Variants in TTL observed in about 807,000 individuals in gnomAD.
TTL encodes the protein tubulin--tyrosine ligase.
In TTL, 10 loss-of-function variants were observed where a neutral mutation model predicts 41.1. The observed-to-expected ratio is 0.24, with a 90% CI of 0.15 to 0.41. The LOEUF (loss-of-function observed/expected upper bound fraction) is 0.41. Ranked by LOEUF, TTL falls within the 10% of genes least tolerant of loss-of-function variation. The pLI is 1.00. For missense variants in TTL, 367 were observed against 460.4 expected, an observed-to-expected ratio of 0.80 and a Z score of 1.86; for synonymous variants, 175 against 175.5, an observed-to-expected ratio of 1.00 and a Z score of 0.02.
chr2:112,495,425 T>C (rs1432934365), intron 3 of TTL, among the ~76,000 whole-genome samples: 1 of 152,168 alleles, frequency 6.6e-6, no homozygotes, highest in African/African-American at 2.4e-5. Flanking sequence ...TCAACAAATA[T>C]ATGTTGAATG....
chr2:112,512,325 T>C (rs1681944580), intron 5 of TTL, among the ~76,000 whole-genome samples: 2 of 151,586 alleles, frequency 1.3e-5, no homozygotes, highest in South Asian at 4.2e-4. Context: ...TGCAGTGGCG[T>C]GATCTCGGCT....
chr2:112,520,373 G>A lies in TTL; in HGVS notation c.967G>A (p.Glu323Lys), dbSNP rs201419092. The stretch of plus-strand genomic sequence containing the variant: ...CTTCGGCTTTGACTTCATGGTCGAT[G>A]AGGAGCTGAAGGTGTGGCTCATTGA... ...QLFGFDFMVD[E>K]ELKVWLIEVN... Residue 323 changes from glutamate to lysine, a missense_variant, in exon 6 of 7, where the codon GAG becomes AAG. By Grantham distance (56) the Glu-to-Lys change is moderately conservative. Coordinates refer to ENST00000233336, the MANE Select transcript of TTL (RefSeq NM_153712.5). The A allele has an allele frequency of 1.9e-6, 3 of 1,614,164 alleles. No homozygotes were observed. Among genetic ancestry groups the A allele is most frequent in the East Asian group, 4.5e-5 (2 of 44,868 alleles).
intron 5 of TTL, among the ~76,000 whole-genome samples, chr2:112,510,430 A>T (rs994196133): frequency 6.6e-6 from 1 of 151,948 alleles, no homozygotes; most frequent in Admixed American, 6.6e-5. Flanking sequence ...TGCCCAGCCT[A>T]TTCCAGTTTT....
At chr2:112,513,690 C>T (rs1332302847) in intron 5 of TTL, among the ~76,000 whole-genome samples, 1 of 149,024 alleles carries the variant, frequency 6.7e-6, no homozygotes, top group Non-Finnish European at 1.5e-5. Flanking sequence ...CAAAAAAATG[C>T]AAAAATACAA....
intron 2 of TTL, among the ~76,000 whole-genome samples, chr2:112,490,633 C>T (rs1479052813): frequency 7.2e-6 from 1 of 138,196 alleles, no homozygotes; most frequent in African/African-American, 2.8e-5. Flanking sequence ...AGTGCAGTGG[C>T]ACCATCTCAG....
intron 4 of TTL, 89 bp from the exon 5 acceptor site, chr2:112,502,823 T>G: frequency 1.4e-6 from 2 of 1,447,494 alleles, no homozygotes; most frequent in East Asian, 4.6e-5. Context: ...ACCTACCCCA[T>G]AAAAGAAGTC....
At chr2:112,511,275 C>T (rs1449788161) in intron 5 of TTL, among the ~76,000 whole-genome samples, 4 of 151,786 alleles carry the variant, frequency 2.6e-5, no homozygotes, top group Non-Finnish European at 4.4e-5. Flanking sequence ...TCTCAAAGTG[C>T]TGGGATTACA....
intron 2 of TTL, 35 bp downstream of exon 2, chr2:112,486,030 C>T (rs1013490989): frequency 2.5e-6 from 4 of 1,601,490 alleles, no homozygotes; most frequent in Non-Finnish European, 3.4e-6. Context: ...CATTTTTTAC[C>T]TAAATGAAGC....
rs1378159603 is a variant in TTL at position 112,538,969 on chromosome 2, T to G, written c.*10174T>G. 2 of 151,690 alleles carry G rather than the reference T, an allele frequency of 1.3e-5. No homozygotes were observed. Among genetic ancestry groups the G allele is most frequent in the Non-Finnish European group, 2.9e-5 (2 of 67,996 alleles). 9.4% of individuals were successfully genotyped at this position (151,690 alleles called of 1,614,324 possible). A position where few individuals can be genotyped will look rare whatever the true frequency, so the allele number is the denominator to read the frequency against. On this transcript the variant is annotated 3_prime_UTR_variant, in exon 7 of 7. Transcript: ENST00000233336. ...CGTCTCCACTAAAAATACAAAAAATTAGCCGGGCGTGGTAGCAGGCGCCTG... is the reference window on the plus strand; with the variant it reads ...CGTCTCCACTAAAAATACAAAAAATGAGCCGGGCGTGGTAGCAGGCGCCTG...
intron 5 of TTL, among the ~76,000 whole-genome samples, chr2:112,514,265 G>A (rs1301715371): frequency 6.6e-6 from 1 of 151,798 alleles, no homozygotes; most frequent in African/African-American, 2.4e-5. Flanking sequence ...ACCTGTGGTC[G>A]CAGCTACTCG....
intron 6 of TTL, chr2:112,522,669 C>T (rs1682271045): frequency 6.6e-6 from 1 of 152,628 alleles, no homozygotes; most frequent in African/African-American, 2.4e-5. Flanking sequence ...GCCAGAATGT[C>T]TCCCGTCTGC....
intron 2 of TTL, among the ~76,000 whole-genome samples, chr2:112,487,383 A>G (rs6708927): frequency 0.12 from 17,529 of 152,242 alleles, 1,191 homozygotes; most frequent in Non-Finnish European, 0.16. Context: ...GTTACATGGA[A>G]TCAGGAATAG....
At chr2:112,498,038 A>G (rs1428380154) in intron 3 of TTL, among the ~76,000 whole-genome samples, 1 of 152,178 alleles carries the variant, frequency 6.6e-6, no homozygotes, top group Non-Finnish European at 1.5e-5. Context: ...ACACAAAACT[A>G]CTTAGCTGGG....
chr2:112,526,180 T>C (rs988103851), intron 6 of TTL, among the ~76,000 whole-genome samples: 33 of 152,220 alleles, frequency 2.2e-4, no homozygotes, highest in South Asian at 1.7e-3. Flanking sequence ...CTGCTGGATT[T>C]AGTTTGCCAG....
rs1359914895 is a variant in TTL, at chr2:112,503,054, T to G, written c.748T>G (p.Ser250Ala). ...LTNHCIQKEYSKNYGKYEEGN... is the reference protein window; with the variant it reads ...LTNHCIQKEYAKNYGKYEEGN... ...CAATCACTGCATTCAAAAAGAGTAT[T>G]CAAAGAACTACGGGAAGTATGAAGA... is the stretch of plus-strand genomic sequence containing the variant. The change falls in exon 5 of 7, where the codon TCA (serine) becomes GCA (alanine). Residue 250 changes from serine (S) to alanine (A), a missense_variant. Ser to Ala is a moderately conservative substitution (Grantham distance 99). Transcript: ENST00000233336. 5 of 1,614,080 alleles carry G rather than the reference T, an allele frequency of 3.1e-6. No homozygotes were observed. The highest frequency in any genetic ancestry group is 4.2e-6 in the Non-Finnish European group (5 of 1,180,008).
chr2:112,521,375 G>T (rs1436418247), intron 6 of TTL: 1 of 985,240 alleles, frequency 1.0e-6, no homozygotes, highest in Non-Finnish European at 1.2e-6. Flanking sequence ...GGCCTTACGT[G>T]TCAGGGAAAG....
At chr2:112,484,590 A>G (rs1681190048) in intron 1 of TTL, among the ~76,000 whole-genome samples, 3 of 152,066 alleles carry the variant, frequency 2.0e-5, no homozygotes, top group Admixed American at 2.0e-4. Flanking sequence ...TGGGAAAGAA[A>G]ACAGCATCCT....
intron 5 of TTL, among the ~76,000 whole-genome samples, chr2:112,511,296 A>G (rs962575488): frequency 6.6e-6 from 1 of 151,850 alleles, no homozygotes; most frequent in Admixed American, 6.6e-5. Context: ...GACATGAGCC[A>G]CTGCACCTGG....
chr2:112,525,890 T>G (rs1380125524), intron 6 of TTL, among the ~76,000 whole-genome samples: 1 of 152,130 alleles, frequency 6.6e-6, no homozygotes, highest in Non-Finnish European at 1.5e-5. Context: ...TGCTTCCAGT[T>G]TTTGCCCATT....
Sources: gnomAD v4.1 joint callset for allele counts (sites outside exome capture counted in the v4.1 genomes callset) on GRCh38, gnomAD v4.1.1 for gene constraint, MANE v1.5 for transcripts, NCBI Gene and HGNC (gene_info 2026-07-23, HGNC 2026-07-21) for gene names.